Variants in NAV1 observed in about 807,000 individuals in gnomAD.
The protein encoded by NAV1 is pore membrane and/or filament interacting like protein 3.
A neutral mutation model predicts 175.2 loss-of-function variants in NAV1; 18 were observed. That is an observed-to-expected ratio of 0.10 (90% confidence interval 0.07 to 0.15). The LOEUF (loss-of-function observed/expected upper bound fraction) is 0.15. NAV1 is among the 10% of genes least tolerant of loss of function. NAV1 has a pLI of 1.00. For synonymous variants in NAV1, 897 were observed against 978.7 expected (o/e 0.92, Z 1.56); for missense variants, 1,731 against 2,436.6 (o/e 0.71, Z 6.10).
intron 10 of NAV1, among the ~76,000 whole-genome samples, 192 bp from the exon 15 acceptor site, chr1:201,789,548 A>C (rs1400843323): frequency 2.6e-5 from 4 of 152,182 alleles, no homozygotes; most frequent in African/African-American, 9.7e-5. Flanking sequence ...GTAGGCTGAA[A>C]GAGGAGGCTA....
chr1:201,544,480 G>T lies in NAV1; in HGVS notation c.-144+5138G>T, dbSNP rs112465036. ...GTGTCATGTAGCTTTTTCTATTCCAGATACATCAAATCCCCCTAAAACATC... is the reference window on the plus strand; with the variant it reads ...GTGTCATGTAGCTTTTTCTATTCCATATACATCAAATCCCCCTAAAACATC... On this transcript the variant is annotated intron_variant, in intron 1 of 33. Transcript: ENST00000685211. 6.4e-4 allele frequency among the ~76,000 whole-genome samples: 97 copies of T among 152,292 alleles called. 1 individual carries two copies. Among genetic ancestry groups the T allele is most frequent in the African/African-American group, 2.3e-3 (94 of 41,560 alleles).
At chr1:201,595,253 C>T (rs16849094) in intron 2 of NAV1, among the ~76,000 whole-genome samples, 8,686 of 152,278 alleles carry the variant, frequency 0.057, 597 homozygotes, top group African/African-American at 0.17. Context: ...CTTCTGTGGG[C>T]CCTGACAGTG....
chr1:201,720,801 T>C (rs1326554020), intron 3 of NAV1, among the ~76,000 whole-genome samples: 3 of 152,290 alleles, frequency 2.0e-5, no homozygotes, highest in Non-Finnish European at 2.9e-5. Context: ...TGTTGCTATA[T>C]TATTTTTGTT....
In NAV1 at chr1:201,553,464, A is replaced by G. The variant is rs556887737; in HGVS notation, c.-144+14122A>G. 2.6e-5 allele frequency among the ~76,000 whole-genome samples: 4 copies of G among 152,366 alleles called. No individual in the cohort carries two copies. The East Asian group carries it at 7.7e-4, about 29-fold the overall frequency. ...TATATTCACCTGCAAAAGGCCAGCC[A>G]CTGTGTGTTCCAACCGAGAAGGAGG... On this transcript the variant is annotated intron_variant, in intron 1 of 33. Transcript: ENST00000685211.
At chr1:201,621,983 A>T (rs1180382512), upstream of NAV1, among the ~76,000 whole-genome samples, 10 of 152,254 alleles carry the variant, frequency 6.6e-5, no homozygotes. Flanking sequence ...GGAAGGGTTG[A>T]AGATACAAGA....
intron 1 of NAV1, among the ~76,000 whole-genome samples, chr1:201,542,428 A>G (rs886284101): frequency 6.6e-6 from 1 of 152,204 alleles, no homozygotes; most frequent in African/African-American, 2.4e-5. Context: ...AATAATAATT[A>G]AAAACACTTT....
chr1:201,551,285 G>A (rs1665846421), intron 1 of NAV1, among the ~76,000 whole-genome samples: 1 of 152,096 alleles, frequency 6.6e-6, no homozygotes, highest in Admixed American at 6.5e-5. Context: ...CTAGAGTGCA[G>A]TGATGCAATC....
intron 1 of NAV1, among the ~76,000 whole-genome samples, chr1:201,572,366 C>CT (rs1436361020): frequency 2.1e-5 from 3 of 144,850 alleles, no homozygotes; most frequent in African/African-American, 8.1e-5. Flanking sequence ...TTCTTTCTTT[C>CT]TTTCTTTTTT....
At chr1:201,728,094 C>T (rs576126322) in intron 3 of NAV1, among the ~76,000 whole-genome samples, 2 of 152,160 alleles carry the variant, frequency 1.3e-5, no homozygotes, top group South Asian at 2.1e-4. Context: ...GATGTGAACC[C>T]CTGGCTCTCA....
chr1:201,610,953 G>C (rs538569743), intron 2 of NAV1, among the ~76,000 whole-genome samples: 134 of 152,192 alleles, frequency 8.8e-4, no homozygotes, highest in African/African-American at 3.1e-3. Flanking sequence ...CTGGGCCCTG[G>C]GGGTGGCGAA....
At chr1:201,648,744 G>A in exon 1 of NAV1, 1 of 1,407,546 alleles carries the variant, frequency 7.1e-7, no homozygotes, top group South Asian at 1.6e-5. Flanking sequence ...GGGCGCGGAC[G>A]AACCGCGGGG....
At chr1:201,799,176 CTGTG>C (rs56994916) in intron 15 of NAV1, among the ~76,000 whole-genome samples, 9 of 150,698 alleles carry the variant, frequency 6.0e-5, no homozygotes, top group South Asian at 4.2e-4. Context: ...GTTCAAGAAA[CTGTG>C]TGTGTGTGTG....
intron 1 of NAV1, among the ~76,000 whole-genome samples, chr1:201,585,822 C>A (rs567703548): frequency 1.3e-5 from 2 of 151,980 alleles, no homozygotes; most frequent in Non-Finnish European, 2.9e-5. Context: ...CAAGCATTGG[C>A]GATGATATGG....
intron 1 of NAV1, among the ~76,000 whole-genome samples, chr1:201,554,761 A>G (rs886166700): frequency 6.6e-6 from 1 of 152,196 alleles, no homozygotes; most frequent in East Asian, 1.9e-4. Flanking sequence ...TCAAATGATC[A>G]GTTTGCTAGG....
intron 2 of NAV1, among the ~76,000 whole-genome samples, chr1:201,630,402 C>T (rs893254588): frequency 6.6e-6 from 1 of 152,212 alleles, no homozygotes; most frequent in African/African-American, 2.4e-5. Flanking sequence ...TGTCTTGGTG[C>T]CCTGCTCCAG....
intron 2 of NAV1, among the ~76,000 whole-genome samples, chr1:201,643,118 C>T (rs1455517557): frequency 6.8e-6 from 1 of 146,972 alleles, no homozygotes; most frequent in African/African-American, 2.6e-5. Flanking sequence ...TTTCTTTCTT[C>T]CTTCCTTCCT....
chr1:201,543,981 C>T (rs995405636), intron 1 of NAV1, among the ~76,000 whole-genome samples: 3 of 152,228 alleles, frequency 2.0e-5, no homozygotes, highest in Non-Finnish European at 4.4e-5. Flanking sequence ...TCCCTCCAGC[C>T]GGAGGGGCCA....
chr1:201,539,136 C>A lies in NAV1; in HGVS notation c.-350C>A, dbSNP rs1571810001. Among the ~76,000 whole-genome samples the A allele has an allele frequency of 6.6e-6, 1 of 152,220 alleles. No individual in the cohort carries two copies. Among genetic ancestry groups the A allele is most frequent in the African/African-American group, 2.4e-5 (1 of 41,470 alleles). ...TGCCGCCTCCCTCCTCATTGTGGGG[C>A]CGGGGCCGGCGGCTGCCCTAGTGCG... On this transcript the variant is annotated 5_prime_UTR_variant, in exon 1 of 34. Transcript: ENST00000685211. This position sits in a 1 kb window ranked among gnomAD's most constrained non-coding sequence, Gnocchi z 5.6.
Position 201,782,309 on chromosome 1 carries a change from C to G in NAV1, c.1797C>G (p.Pro599=). 1 of 1,614,206 alleles carries G rather than the reference C, an allele frequency of 6.2e-7. No individual in the cohort carries two copies. The highest frequency in any genetic ancestry group is 8.5e-7 in the Non-Finnish European group (1 of 1,180,036). The change falls in exon 6 of 30, where the codon CCC becomes CCG. Residue 599 remains proline, a synonymous_variant. Coordinates refer to ENST00000367296, the Ensembl canonical transcript of NAV1. The surrounding 1 kb of genome is among the most constrained non-coding windows in gnomAD (Gnocchi z 5.4). ...AGCCCCCCTCGGGCATTGCTCGCCC[C>G]TCCACTTCGGGATCCTTTGGCTACA...
Sources: gnomAD v4.1 joint callset for allele counts (sites outside exome capture counted in the v4.1 genomes callset) on GRCh38, gnomAD v4.1.1 for gene constraint, Gnocchi (gnomAD v3.1) non-coding constraint, MANE v1.5 for transcripts, NCBI Gene and HGNC (gene_info 2026-07-23, HGNC 2026-07-21) for gene names.